ARL6: variants seen among roughly 807,000 people sequenced by gnomAD.
The protein encoded by ARL6 is ARF like GTPase 6.
In ARL6, 18 loss-of-function variants were observed where a neutral mutation model predicts 27.1. The ratio of observed to expected loss-of-function variants is 0.66; its 90% CI spans 0.46 to 0.98. The LOEUF (loss-of-function observed/expected upper bound fraction) is 0.98, where lower values mean the gene tolerates loss of function less well. Among genes scored for constraint, ARL6 ranks in the 50% least tolerant of loss-of-function variants. ARL6 has a pLI of 0.00. For missense variants in ARL6, 187 were observed against 214.9 expected, an observed-to-expected ratio of 0.87 and a Z score of 0.81; for synonymous variants, 65 against 72.3, an observed-to-expected ratio of 0.90 and a Z score of 0.51.
intron 7 of ARL6, among the ~76,000 whole-genome samples, chr3:97,792,439 C>T (rs969160164): frequency 1.3e-5 from 2 of 152,036 alleles, no homozygotes; most frequent in Admixed American, 1.3e-4. Context: ...GCCGAGATTG[C>T]GCCACAGCAC....
chr3:97,787,711 A>T (rs1455111652), intron 5 of ARL6, among the ~76,000 whole-genome samples: 2 of 152,104 alleles, frequency 1.3e-5, no homozygotes, highest in African/African-American at 4.8e-5. Flanking sequence ...TTTTGTAGGT[A>T]CTTCTCTGTA....
rs2038237155 is a variant in ARL6, at chr3:97,801,054, A to G, written c.*3005A>G. ...TCAGTCAGTTGCAATACTTAAGGCA[A>G]ATTCATCTTGCTTATAACTCTGGTG... is the stretch of plus-strand genomic sequence containing the variant. On this transcript the variant is annotated 3_prime_UTR_variant, in exon 8 of 8. Transcript: ENST00000463745. 6.6e-6 allele frequency: 1 copy of G among 152,158 alleles called. No individual in the cohort carries two copies. Among genetic ancestry groups the G allele is most frequent in the African/African-American group, 2.4e-5 (1 of 41,426 alleles). The allele number at this position is 152,158 out of a possible 1,614,324, so 9.4% of individuals were successfully genotyped here.
chr3:97,784,996 G>A lies in ARL6; in HGVS notation c.296G>A (p.Arg99Lys), dbSNP rs762984313. ...AIIFVIDSSDRLRMVVAKEEL... is the reference protein window; with the variant it reads ...AIIFVIDSSDKLRMVVAKEEL... ...ATTTTTGTCATTGATAGTAGTGATAGATTAAGAATGGTTGTGGCCAAAGAA... is the reference window on the plus strand; with the variant it reads ...ATTTTTGTCATTGATAGTAGTGATAAATTAAGAATGGTTGTGGCCAAAGAA... The change falls in exon 5 of 8, where the codon AGA (arginine) becomes AAA (lysine). Residue 99 changes from arginine to lysine, a missense_variant. Coordinates refer to ENST00000463745, the MANE Select transcript of ARL6 (RefSeq NM_001278293.3). The A allele has an allele frequency of 1.2e-6, 2 of 1,613,056 alleles. No homozygotes were observed. The highest frequency in any genetic ancestry group is 1.3e-5 in the African/African-American group (1 of 75,010).
rs2038136250 is a variant in ARL6 at position 97,799,108 on chromosome 3, G to A, written c.*1059G>A. On this transcript the variant is annotated 3_prime_UTR_variant, in exon 8 of 8. Coordinates refer to ENST00000463745, the MANE Select transcript of ARL6 (RefSeq NM_001278293.3). ...CCTTCATTTTAATCACTGAGCAACA[G>A]TATATAGAGCAATATTGTTGATCCT... The A allele has an allele frequency of 6.6e-6, 1 of 151,918 alleles. No homozygotes were observed. Among genetic ancestry groups the A allele is most frequent in the Non-Finnish European group, 1.5e-5 (1 of 67,882 alleles). The allele number at this position is 151,918 out of a possible 1,614,324, so 9.4% of individuals were successfully genotyped here.
intron 2 of ARL6, among the ~76,000 whole-genome samples, chr3:97,774,834 G>A (rs1419737461): frequency 6.6e-6 from 1 of 152,180 alleles, no homozygotes; most frequent in Non-Finnish European, 1.5e-5. Flanking sequence ...ATGTGCTTCT[G>A]AAGCTGGGAG....
intron 1 of ARL6, among the ~76,000 whole-genome samples, chr3:97,766,289 A>G (rs762368870): frequency 6.6e-6 from 1 of 152,364 alleles, no homozygotes; most frequent in Non-Finnish European, 1.5e-5. Flanking sequence ...TTTACTTTGA[A>G]ATCAAATGGT....
chr3:97,770,922 G>T (rs923228314), intron 2 of ARL6, among the ~76,000 whole-genome samples: 1 of 152,072 alleles, frequency 6.6e-6, no homozygotes, highest in Non-Finnish European at 1.5e-5. Context: ...GGTTATCATG[G>T]CTTTGTAGTA....
chr3:97,790,576 G>C (rs1360702936), intron 6 of ARL6, among the ~76,000 whole-genome samples: 1 of 152,112 alleles, frequency 6.6e-6, no homozygotes, highest in East Asian at 1.9e-4. Context: ...GGGTTTCATT[G>C]TATTAATTGT....
At chr3:97,779,120 T>C (rs144442926) in intron 2 of ARL6, among the ~76,000 whole-genome samples, 7 of 152,258 alleles carry the variant, frequency 4.6e-5, no homozygotes, top group African/African-American at 1.7e-4. Context: ...CTAGCCCCCT[T>C]TCAATCTCTT....
chr3:97,770,029 C>T (rs2036565751), intron 2 of ARL6, among the ~76,000 whole-genome samples: 1 of 151,948 alleles, frequency 6.6e-6, no homozygotes, highest in East Asian at 1.9e-4. Flanking sequence ...CATTGATTTC[C>T]ATTTTTTTGG....
At position 97,778,961 on chromosome 3, in the gene ARL6, G is replaced by C. The variant is rs149237336; in HGVS notation, c.124-1198G>C. ...GGGAGGAGTCAATAATAATTTCTAG[G>C]CATCTGGATCAGAAAGTAGATATAT... On this transcript the variant is annotated intron_variant, in intron 2 of 7. Coordinates refer to ENST00000463745, the MANE Select transcript of ARL6 (RefSeq NM_001278293.3). 1.5e-4 allele frequency among the ~76,000 whole-genome samples: 23 copies of C among 152,214 alleles called. No individual in the cohort carries two copies. In the East Asian group the frequency reaches 2.5e-3, roughly 17 times the overall value.
chr3:97,790,096 T>TGTGTGCA (rs1476960986), intron 6 of ARL6, among the ~76,000 whole-genome samples: 2 of 146,394 alleles, frequency 1.4e-5, no homozygotes, highest in African/African-American at 5.0e-5. Context: ...TGTGTGCATG[T>TGTGTGCA]TGTGTGTATG....
chr3:97,785,550 A>G (rs1231972326), intron 5 of ARL6, among the ~76,000 whole-genome samples: 10 of 151,682 alleles, frequency 6.6e-5, no homozygotes, highest in Non-Finnish European at 1.0e-4. Context: ...GGGGACTATC[A>G]TTGTTATTTA....
intron 2 of ARL6, among the ~76,000 whole-genome samples, chr3:97,769,694 G>A (rs959414180): frequency 2.0e-5 from 3 of 151,442 alleles, no homozygotes; most frequent in African/African-American, 4.8e-5. Flanking sequence ...CCCTCTCTCC[G>A]CCCTACCCTT....
chr3:97,781,252 C>T (rs2037183340), intron 4 of ARL6, among the ~76,000 whole-genome samples: 1 of 150,496 alleles, frequency 6.6e-6, no homozygotes, highest in African/African-American at 2.5e-5. Context: ...ACAGTTGATC[C>T]ATTGTTCTAT....
At chr3:97,790,051 TTGTG>T (rs3058067) in intron 6 of ARL6, among the ~76,000 whole-genome samples, 2,394 of 137,108 alleles carry the variant, frequency 0.017, 21 homozygotes, top group Middle Eastern at 0.055. Context: ...GGCATCATGA[TTGTG>T]TGTGTGTGTG....
In ARL6 at chr3:97,768,205, T is replaced by C. The variant is rs2036476218; in HGVS notation, c.98T>C (p.Ile33Thr). 1 of 1,612,758 alleles carries C rather than the reference T, an allele frequency of 6.2e-7. No individual in the cohort carries two copies. Among genetic ancestry groups the C allele is most frequent in the Non-Finnish European group, 8.5e-7 (1 of 1,179,002 alleles). Reference protein sequence around the residue: ...LGLDNSGKTTIINKLKPSNAQ... With the variant: ...LGLDNSGKTTTINKLKPSNAQ... ...CTAGATAATAGTGGCAAAACGACGATCATTAACAAACTTAAACCTTCAAAT... is the reference window on the plus strand; with the variant it reads ...CTAGATAATAGTGGCAAAACGACGACCATTAACAAACTTAAACCTTCAAAT... The change falls in exon 2 of 8, where the codon ATC becomes ACC. Residue 33 changes from isoleucine (I) to threonine (T), a missense_variant. Transcript: ENST00000463745.
intron 2 of ARL6, among the ~76,000 whole-genome samples, chr3:97,774,109 G>A (rs1387475384): frequency 6.6e-6 from 1 of 152,140 alleles, no homozygotes; most frequent in Non-Finnish European, 1.5e-5. Context: ...ATTTCATCTT[G>A]ATAGTCCCGG....
intron 6 of ARL6, among the ~76,000 whole-genome samples, chr3:97,790,226 C>G (rs942328876): frequency 2.0e-5 from 3 of 151,972 alleles, no homozygotes; most frequent in Non-Finnish European, 4.4e-5. Context: ...GTGGGAGTTC[C>G]TCCCTCTCTG....
Sources: allele counts gnomAD v4.1 joint callset (sites outside exome capture counted in the v4.1 genomes callset), GRCh38; gene constraint gnomAD v4.1.1; transcripts MANE v1.5; gene names NCBI Gene and HGNC (gene_info 2026-07-23, HGNC 2026-07-21).